MCM9: variants seen among roughly 807,000 people sequenced by gnomAD.
The protein encoded by MCM9 is DNA helicase MCM9.
In MCM9, 55 loss-of-function variants were observed where a neutral mutation model predicts 72.8. The ratio of observed to expected loss-of-function variants is 0.76; its 90% confidence interval spans 0.61 to 0.95. The LOEUF is 0.95. Among genes scored for constraint, MCM9 ranks in the 40% least tolerant of loss-of-function variants. The probability of loss-of-function intolerance (pLI) is 0.00; values close to 1 mark genes in which losing one functional copy is unlikely to be tolerated. For synonymous variants in MCM9, 480 were observed against 503.4 expected (o/e 0.95, Z 0.62); for missense variants, 1,279 against 1,377.0 (o/e 0.93, Z 1.13).
At chr6:118,883,244 A>G (rs1311619684) in intron 8 of MCM9, among the ~76,000 whole-genome samples, 1 of 152,116 alleles carries the variant, frequency 6.6e-6, no homozygotes. Flanking sequence ...GCAGAAGAAA[A>G]AGTCAGCAAA....
intron 13 of MCM9, among the ~76,000 whole-genome samples, chr6:118,817,757 A>G (rs1773505564): frequency 2.0e-5 from 3 of 152,210 alleles, no homozygotes; most frequent in Admixed American, 6.5e-5. Context: ...TCCCACCAAC[A>G]ACGTAGAAGC....
intron 8 of MCM9, among the ~76,000 whole-genome samples, chr6:118,901,463 TA>T (rs145983934): frequency 0.01 from 1,578 of 152,306 alleles, 30 homozygotes; most frequent in African/African-American, 0.036. Flanking sequence ...CATTATCTTA[TA>T]AGAGGACTAC....
intron 12 of MCM9, 68 bp from the exon 13 acceptor site, chr6:118,826,360 G>T: frequency 2.7e-6 from 4 of 1,470,730 alleles, no homozygotes; most frequent in Non-Finnish European, 2.7e-6. Flanking sequence ...ACACTCTAGG[G>T]ACCAGCAATC....
chr6:118,843,345 C>A (rs1212887050), intron 9 of MCM9, among the ~76,000 whole-genome samples: 1 of 151,574 alleles, frequency 6.6e-6, no homozygotes, highest in Non-Finnish European at 1.5e-5. Context: ...AAAAAAATCT[C>A]TGGCTGGGTG....
chr6:118,880,171 T>TA (rs544369371), intron 8 of MCM9, among the ~76,000 whole-genome samples: 2,181 of 147,492 alleles, frequency 0.015, 143 homozygotes, highest in Admixed American at 0.12. Flanking sequence ...TTAGCCTAAT[T>TA]AAAAAAAAAA....
chr6:118,872,673 A>C (rs572508336), intron 8 of MCM9, among the ~76,000 whole-genome samples: 7 of 152,180 alleles, frequency 4.6e-5, no homozygotes, highest in East Asian at 1.9e-4. Context: ...CTAAAAAAAA[A>C]CACACACACA....
At chr6:118,838,439 A>C (rs1290334799) in intron 9 of MCM9, among the ~76,000 whole-genome samples, 2 of 150,338 alleles carry the variant, frequency 1.3e-5, no homozygotes, top group Non-Finnish European at 3.0e-5. Context: ...GACTACAGGC[A>C]CCTGCCACCA....
chr6:118,843,644 A>ATATATACGTG (rs1775563198), intron 9 of MCM9, among the ~76,000 whole-genome samples: 1 of 44,008 alleles, frequency 2.3e-5, no homozygotes, highest in African/African-American at 1.2e-4. Flanking sequence ...AACAAAACAT[A>ATATATACGTG]TATATATATA....
At chr6:118,901,702 ACCAAAGAGTAACTAGC>A (rs1779807295) in intron 8 of MCM9, among the ~76,000 whole-genome samples, 1 of 152,218 alleles carries the variant, frequency 6.6e-6, no homozygotes, top group African/African-American at 2.4e-5. Flanking sequence ...TTTGTAATAG[ACCAAAGAGTAACTAGC>A]CATAGGTTTT....
intron 13 of MCM9, among the ~76,000 whole-genome samples, chr6:118,816,820 C>T (rs1324456347): frequency 2.0e-5 from 3 of 151,204 alleles, no homozygotes; most frequent in Admixed American, 6.6e-5. Context: ...TGCATCTGAG[C>T]AGTCACCTTC....
At chr6:118,819,784 G>T (rs367982172) in intron 13 of MCM9, among the ~76,000 whole-genome samples, 1 of 152,128 alleles carries the variant, frequency 6.6e-6, no homozygotes, top group Non-Finnish European at 1.5e-5. Flanking sequence ...ATTAATTACT[G>T]CCTCACTTTC....
At chr6:118,825,983 G>A (rs1285366130) in intron 13 of MCM9, among the ~76,000 whole-genome samples, 164 bp downstream of exon 13, 1 of 152,142 alleles carries the variant, frequency 6.6e-6, no homozygotes, top group Admixed American at 6.5e-5. Flanking sequence ...TACAGCAGTA[G>A]AAAACTGAAA....
intron 3 of MCM9, among the ~76,000 whole-genome samples, chr6:118,926,037 A>C (rs184091981): frequency 9.0e-4 from 137 of 152,362 alleles, no homozygotes; most frequent in African/African-American, 3.2e-3. Flanking sequence ...TAATTCCAGA[A>C]TATTTTCATA....
intron 8 of MCM9, among the ~76,000 whole-genome samples, chr6:118,878,155 C>T (rs375906864): frequency 1.3e-4 from 20 of 152,162 alleles, no homozygotes; most frequent in African/African-American, 4.1e-4. Context: ...GAGCGAGACC[C>T]TGCCTCAAAA....
At chr6:118,880,092 A>G (rs548515475) in intron 8 of MCM9, among the ~76,000 whole-genome samples, 22 of 152,216 alleles carry the variant, frequency 1.4e-4, no homozygotes, top group Non-Finnish European at 1.5e-4. Flanking sequence ...AAGAATAAAA[A>G]GGGCAATGAA....
At chr6:118,878,811 C>CT (rs2114371859) in intron 8 of MCM9, among the ~76,000 whole-genome samples, 1 of 152,206 alleles carries the variant, frequency 6.6e-6, no homozygotes, top group South Asian at 2.1e-4. Context: ...AATCCCAGCA[C>CT]TTTGGGAGGC....
chr6:118,920,190 G>A (rs1024895445), intron 5 of MCM9: 1 of 152,168 alleles, frequency 6.6e-6, no homozygotes, highest in African/African-American at 2.4e-5. Context: ...TACAGATTTA[G>A]GTTAAAATCT....
At chr6:118,859,943 G>T (rs748298158) in intron 8 of MCM9, among the ~76,000 whole-genome samples, 1 of 152,236 alleles carries the variant, frequency 6.6e-6, no homozygotes, top group Admixed American at 6.5e-5. Flanking sequence ...ACAGCCCAGG[G>T]ACACAAGCTC....
intron 9 of MCM9, among the ~76,000 whole-genome samples, chr6:118,829,925 G>A (rs920029287): frequency 2.0e-5 from 3 of 152,128 alleles, no homozygotes; most frequent in Non-Finnish European, 4.4e-5. Context: ...GATTGATTTG[G>A]CATTGAGTTT....
Sources: gnomAD v4.1 joint callset for allele counts (sites outside exome capture counted in the v4.1 genomes callset) on GRCh38, gnomAD v4.1.1 for gene constraint, MANE v1.5 for transcripts, NCBI Gene and HGNC (gene_info 2026-07-23, HGNC 2026-07-21) for gene names.